Variants in PTPN13 observed in about 807,000 individuals in gnomAD.
PTPN13 encodes the protein protein tyrosine phosphatase non-receptor type 13.
In PTPN13, 191 loss-of-function variants were observed where a neutral mutation model predicts 284.0. The ratio of observed to expected loss-of-function variants is 0.67; its 90% CI spans 0.60 to 0.76. The LOEUF is 0.76. Ranked by LOEUF, PTPN13 falls within the 30% of genes least tolerant of loss-of-function variation. The pLI is 0.00. For missense variants in PTPN13, 2,797 were observed against 2,939.9 expected, an observed-to-expected ratio of 0.95 and a Z score of 1.12; for synonymous variants, 986 against 1,022.3, an observed-to-expected ratio of 0.96 and a Z score of 0.68.
intron 2 of PTPN13, among the ~76,000 whole-genome samples, chr4:86,636,723 C>G (rs1723061701): frequency 6.6e-6 from 1 of 151,882 alleles, no homozygotes; most frequent in African/African-American, 2.4e-5. Flanking sequence ...CAAGAGAAAG[C>G]AGGAAAGATC....
At chr4:86,667,242 A>T (rs1180890090) in intron 2 of PTPN13, among the ~76,000 whole-genome samples, 7 of 152,222 alleles carry the variant, frequency 4.6e-5, no homozygotes, top group Non-Finnish European at 7.3e-5. Flanking sequence ...TTAGTAAATG[A>T]TGTTGCATGA....
chr4:86,614,855 T>C (rs1720361783), intron 1 of PTPN13, among the ~76,000 whole-genome samples: 1 of 152,116 alleles, frequency 6.6e-6, no homozygotes, highest in African/African-American at 2.4e-5. Flanking sequence ...GACCTAAAAA[T>C]TATACTTGGT....
intron 2 of PTPN13, among the ~76,000 whole-genome samples, chr4:86,642,912 T>G (rs1242622833): frequency 1.3e-5 from 2 of 152,196 alleles, no homozygotes; most frequent in Non-Finnish European, 2.9e-5. Flanking sequence ...ATGAATAATC[T>G]TTAGAAGTGA....
In PTPN13 at chr4:86,707,211, A is replaced by G. The variant is rs115183455; in HGVS notation, c.1195+5410A>G. Among the ~76,000 whole-genome samples the G allele has an allele frequency of 9.4e-3, 1,436 of 152,344 alleles. 33 individuals carry two copies. Among genetic ancestry groups the G allele is most frequent in the African/African-American group, 0.033 (1,376 of 41,578 alleles). On this transcript the variant is annotated intron_variant, in intron 7 of 47. Transcript: ENST00000411767. ...CTTCCAACAGTTGCAACTCCTCTGCATTCTGCACAATACTAGAAAGGAAAG... is the reference window on the plus strand; with the variant it reads ...CTTCCAACAGTTGCAACTCCTCTGCGTTCTGCACAATACTAGAAAGGAAAG...
chr4:86,649,415 G>GA (rs796369491), intron 2 of PTPN13, among the ~76,000 whole-genome samples: 5 of 152,262 alleles, frequency 3.3e-5, no homozygotes, highest in African/African-American at 1.2e-4. Flanking sequence ...TAAGGCAAGA[G>GA]ATAGGGGTCT....
At chr4:86,610,852 C>T (rs1033696541) in intron 1 of PTPN13, among the ~76,000 whole-genome samples, 3 of 152,112 alleles carry the variant, frequency 2.0e-5, no homozygotes, top group African/African-American at 4.8e-5. Flanking sequence ...TGTTTTGATA[C>T]TTATTAAGAG....
intron 17 of PTPN13, among the ~76,000 whole-genome samples, chr4:86,748,322 A>G (rs1737006626): frequency 6.6e-6 from 1 of 152,164 alleles, no homozygotes; most frequent in African/African-American, 2.4e-5. Context: ...ATTCTAATCT[A>G]TGTTGGAGTT....
At chr4:86,626,391 A>G (rs367676380) in intron 1 of PTPN13, among the ~76,000 whole-genome samples, 6 of 152,228 alleles carry the variant, frequency 3.9e-5, no homozygotes, top group African/African-American at 1.2e-4. Context: ...ATTTAGATAC[A>G]TGCTGTTTCT....
chr4:86,715,802 T>C (rs1732949318), intron 7 of PTPN13, among the ~76,000 whole-genome samples: 1 of 152,120 alleles, frequency 6.6e-6, no homozygotes, highest in South Asian at 2.1e-4. Flanking sequence ...AGGAGACAGG[T>C]AGTAGTTCAG....
At chr4:86,663,043 T>C (rs1354911820) in intron 2 of PTPN13, among the ~76,000 whole-genome samples, 1 of 152,108 alleles carries the variant, frequency 6.6e-6, no homozygotes, top group Non-Finnish European at 1.5e-5. Context: ...ATATAGAAAG[T>C]GTTACAGAAG....
intron 40 of PTPN13, among the ~76,000 whole-genome samples, chr4:86,793,707 A>G (rs528536891): frequency 8.1e-4 from 123 of 152,350 alleles, no homozygotes; most frequent in African/African-American, 2.7e-3. Context: ...AACTTACTCA[A>G]AACCACACAA....
chr4:86,608,139 G>C (rs1764958392), intron 1 of PTPN13, among the ~76,000 whole-genome samples: 1 of 151,940 alleles, frequency 6.6e-6, no homozygotes, highest in East Asian at 1.9e-4. Flanking sequence ...TATTGTTTTT[G>C]TGTTGCCTTA....
At chr4:86,790,037 T>C (rs937300567) in intron 40 of PTPN13, among the ~76,000 whole-genome samples, 15 of 152,140 alleles carry the variant, frequency 9.9e-5, no homozygotes, top group African/African-American at 2.7e-4. Context: ...TTAACTCTTA[T>C]AAAAGGCTTT....
intron 29 of PTPN13, 51 bp downstream of exon 29, chr4:86,770,034 G>T (rs1739800548): frequency 6.2e-7 from 1 of 1,611,156 alleles, no homozygotes; most frequent in East Asian, 2.2e-5. Context: ...AGATGGATTG[G>T]CCTTTCAGAA....
chr4:86,606,115 C>T (rs1290213292), intron 1 of PTPN13, among the ~76,000 whole-genome samples: 1 of 151,728 alleles, frequency 6.6e-6, no homozygotes, highest in African/African-American at 2.4e-5. Flanking sequence ...AATAAGCCAA[C>T]TATTGATTGA....
At chr4:86,812,613 G>T (rs1745357188) in intron 47 of PTPN13, among the ~76,000 whole-genome samples, 1 of 152,152 alleles carries the variant, frequency 6.6e-6, no homozygotes, top group Non-Finnish European at 1.5e-5. Context: ...AAAGGAGAGG[G>T]TCATGTAGAT....
rs1241411255 is a variant in PTPN13, at chr4:86,708,737, GTC to G, written c.1195+6942_1195+6943del. ...TCCCAGTCCCCTTGTCTCTCCATTT[GTC>G]TCTCTGCCGTGCAAGTTTGAATACC... On this transcript the variant is annotated intron_variant, in intron 7 of 47. Transcript: ENST00000411767. Among the ~76,000 whole-genome samples, 6 of 152,098 alleles carry G rather than the reference GTC, an allele frequency of 3.9e-5. No homozygotes were observed. The East Asian group carries it at 1.2e-3, about 29-fold the overall frequency.
chr4:86,717,820 A>C (rs1458694888), intron 9 of PTPN13, among the ~76,000 whole-genome samples: 1 of 152,204 alleles, frequency 6.6e-6, no homozygotes, highest in Non-Finnish European at 1.5e-5. Flanking sequence ...TTGTTGAATG[A>C]ATAGTGAGTA....
At chr4:86,709,339 C>G (rs764821942) in intron 7 of PTPN13, among the ~76,000 whole-genome samples, 5 of 152,102 alleles carry the variant, frequency 3.3e-5, no homozygotes, top group Admixed American at 1.3e-4. Context: ...TGTCTTTCCT[C>G]GTACAGACCT....
Sources: allele counts gnomAD v4.1 joint callset (sites outside exome capture counted in the v4.1 genomes callset), GRCh38; gene constraint gnomAD v4.1.1; transcripts MANE v1.5; gene names NCBI Gene and HGNC (gene_info 2026-07-23, HGNC 2026-07-21).